The following CSMD3 variants were observed in gnomAD, a reference collection of about 807,000 sequenced individuals.
CSMD3 encodes CUB and Sushi multiple domains 3.
In CSMD3, 177 loss-of-function variants were observed where a neutral mutation model predicts 435.2. That is an observed-to-expected ratio of 0.41 (90% CI 0.36 to 0.46). CSMD3 has a LOEUF of 0.46. CSMD3 is among the 20% of genes least tolerant of loss of function. The pLI, the probability that CSMD3 is intolerant of heterozygous loss-of-function variation, is 0.34. For missense variants in CSMD3, 4,265 were observed against 4,504.6 expected (o/e 0.95, Z 1.52); for synonymous variants, 1,656 against 1,520.5 (o/e 1.09, Z -2.07).
chr8:112,629,799 C>T (rs774167752), intron 22 of CSMD3, among the ~76,000 whole-genome samples: 1 of 152,062 alleles, frequency 6.6e-6, no homozygotes, highest in Non-Finnish European at 1.5e-5. Context: ...GTTTTTTTAG[C>T]AATTATGCCT....
intron 28 of CSMD3, among the ~76,000 whole-genome samples, chr8:112,513,128 G>A (rs921230435): frequency 1.3e-5 from 2 of 152,090 alleles, no homozygotes; most frequent in East Asian, 3.9e-4. Flanking sequence ...AAGCTGTTTT[G>A]TTTTCTTATC....
At chr8:113,220,642 C>A (rs943083052) in intron 3 of CSMD3, among the ~76,000 whole-genome samples, 3 of 151,336 alleles carry the variant, frequency 2.0e-5, no homozygotes, top group Non-Finnish European at 4.4e-5. Flanking sequence ...ATCTATAATA[C>A]ATAATCAAGA....
At chr8:112,831,806 G>A (rs1330465741) in intron 11 of CSMD3, among the ~76,000 whole-genome samples, 1 of 152,010 alleles carries the variant, frequency 6.6e-6, no homozygotes, top group Non-Finnish European at 1.5e-5. Context: ...AGATGAAGCT[G>A]CTTATAATGG....
chr8:113,069,982 T>C (rs889111494), intron 5 of CSMD3, among the ~76,000 whole-genome samples: 1 of 152,088 alleles, frequency 6.6e-6, no homozygotes, highest in Non-Finnish European at 1.5e-5. Context: ...AAACACACCT[T>C]TGTTTACTAA....
intron 3 of CSMD3, among the ~76,000 whole-genome samples, chr8:113,207,008 A>T (rs1406945041): frequency 6.6e-6 from 1 of 152,150 alleles, no homozygotes; most frequent in Non-Finnish European, 1.5e-5. Context: ...GTAAAAATGC[A>T]GGCTACTGTG....
chr8:112,472,610 T>C lies in CSMD3; in HGVS notation c.5376A>G (p.Ile1792Met). ...ACTTACCAAACTCCTTTGGAACTGCTATAGAATAAACACAATTATGTCCCA... is the reference window on the plus strand; with the variant it reads ...ACTTACCAAACTCCTTTGGAACTGCCATAGAATAAACACAATTATGTCCCA... ...YSVGHNCVYS[I>M]AVPKEFVVFG... The change falls in exon 32 of 71, where the codon ATA becomes ATG. Residue 1792 changes from isoleucine to methionine, a missense_variant. Ile to Met is a conservative substitution (Grantham distance 10, BLOSUM62 1). Coordinates refer to ENST00000297405, the MANE Select transcript of CSMD3 (RefSeq NM_198123.2). 6.3e-7 allele frequency: 1 copy of C among 1,581,200 alleles called. No homozygotes were observed.
intron 60 of CSMD3, 99 bp downstream of exon 60, chr8:112,265,311 AC>A: frequency 1.4e-6 from 1 of 731,912 alleles, no homozygotes. Context: ...GCAACCTGGA[AC>A]TAAAAAATTT....
At chr8:112,575,889 T>A (rs1319766063) in intron 23 of CSMD3, among the ~76,000 whole-genome samples, 2 of 152,118 alleles carry the variant, frequency 1.3e-5, no homozygotes, top group Non-Finnish European at 2.9e-5. Context: ...AAATAAATTC[T>A]TTGTTTAGAG....
chr8:113,278,688 G>A lies in CSMD3; in HGVS notation c.418C>T (p.Leu140=), dbSNP rs2132459566. ...TTGGTACTTGTCACTGGAGGTGGCA[G>A]ATGGAATCCTGTTAACCTAAAACAA... The part of the protein sequence containing the change: ...NFRTRLTGFH[L]PPPVTSTKSV... The change falls in exon 3 of 71, where the codon CTG becomes TTG. Residue 140 remains leucine, a synonymous_variant. Coordinates refer to ENST00000297405, the MANE Select transcript of CSMD3 (RefSeq NM_198123.2). The A allele has an allele frequency of 5.1e-6, 8 of 1,562,034 alleles. No homozygotes were observed. The highest frequency in any genetic ancestry group is 1.1e-5 in the South Asian group (1 of 90,028).
chr8:113,257,175 G>A (rs1181503209), intron 3 of CSMD3, among the ~76,000 whole-genome samples: 18 of 152,270 alleles, frequency 1.2e-4, no homozygotes, highest in African/African-American at 3.8e-4. Flanking sequence ...TTGGGAGGCC[G>A]AGGCGGGCGG....
At chr8:113,166,847 T>G (rs767588549) in intron 4 of CSMD3, among the ~76,000 whole-genome samples, 1 of 152,156 alleles carries the variant, frequency 6.6e-6, no homozygotes, top group East Asian at 1.9e-4. Flanking sequence ...AAATGACTCT[T>G]AGTATGTTTG....
At chr8:112,892,477 T>C (rs2081824813) in intron 10 of CSMD3, among the ~76,000 whole-genome samples, 2 of 151,540 alleles carry the variant, frequency 1.3e-5, no homozygotes, top group Non-Finnish European at 3.0e-5. Flanking sequence ...AACCAACAAA[T>C]GAGTCCTACA....
intron 5 of CSMD3, among the ~76,000 whole-genome samples, chr8:113,075,757 A>G (rs1305188361): frequency 6.6e-6 from 1 of 151,882 alleles, no homozygotes; most frequent in Non-Finnish European, 1.5e-5. Flanking sequence ...AGACTGATAA[A>G]TGTTGATATT....
intron 32 of CSMD3, among the ~76,000 whole-genome samples, chr8:112,444,547 T>G (rs948024097): frequency 6.6e-6 from 1 of 152,200 alleles, no homozygotes; most frequent in Non-Finnish European, 1.5e-5. Context: ...AAACTCCTGA[T>G]GCACACAATA....
intron 45 of CSMD3, among the ~76,000 whole-genome samples, chr8:112,325,798 C>A (rs980709832): frequency 6.6e-6 from 1 of 151,942 alleles, no homozygotes; most frequent in Non-Finnish European, 1.5e-5. Context: ...GAAAAACTGG[C>A]AAAACTTGGG....
At chr8:112,571,219 C>T (rs759109671) in intron 24 of CSMD3, among the ~76,000 whole-genome samples, 85 of 151,978 alleles carry the variant, frequency 5.6e-4, no homozygotes, top group Non-Finnish European at 8.4e-4. Context: ...GTTGGTCAGG[C>T]TGGTCTCAGA....
chr8:113,057,720 T>A (rs895263418), intron 5 of CSMD3, among the ~76,000 whole-genome samples: 1 of 151,952 alleles, frequency 6.6e-6, no homozygotes, highest in South Asian at 2.1e-4. Flanking sequence ...ATTCTATACA[T>A]AAAATGAAAA....
At chr8:112,548,819 T>C (rs572287595) in intron 27 of CSMD3, among the ~76,000 whole-genome samples, 25 of 152,232 alleles carry the variant, frequency 1.6e-4, no homozygotes, top group Admixed American at 2.6e-4. Context: ...TTTATTTCAA[T>C]AGGTTGATTT....
chr8:112,681,890 C>CAT (rs2075904542), intron 16 of CSMD3, among the ~76,000 whole-genome samples: 1 of 151,830 alleles, frequency 6.6e-6, no homozygotes, highest in African/African-American at 2.4e-5. Context: ...TTCCAAAGAT[C>CAT]ATACATATAT....
Sources: gnomAD v4.1 joint callset for allele counts (sites outside exome capture counted in the v4.1 genomes callset) on GRCh38, gnomAD v4.1.1 for gene constraint, MANE v1.5 for transcripts, NCBI Gene and HGNC (gene_info 2026-07-23, HGNC 2026-07-21) for gene names.